The following PLGRKT variants were observed in gnomAD, a reference collection of about 807,000 sequenced individuals.
PLGRKT encodes plasminogen receptor (KT).
PLGRKT carries 22 observed loss-of-function variants against 18.5 expected under a neutral mutation model. The observed-to-expected ratio is 1.19, with a 90% CI of 0.85 to 1.70. PLGRKT has a LOEUF of 1.70. Ranked by LOEUF, PLGRKT falls within the 40% of genes most tolerant of loss-of-function variation. The pLI, the probability that PLGRKT is intolerant of heterozygous loss-of-function variation, is 0.00. For missense variants in PLGRKT, 235 were observed against 174.4 expected (o/e 1.35, Z -1.96); for synonymous variants, 72 against 52.8 (o/e 1.36, Z -1.58).
intron 3 of PLGRKT, among the ~76,000 whole-genome samples, chr9:5,402,222 G>C (rs1818168376): frequency 6.6e-6 from 1 of 151,886 alleles, no homozygotes; most frequent in Non-Finnish European, 1.5e-5. Context: ...ACAGAAGGTA[G>C]AGATAGTATT....
In PLGRKT at chr9:5,358,242, T is replaced by C; in HGVS notation, c.441A>G (p.Lys147=). 6.2e-7 allele frequency: 1 copy of C among 1,608,196 alleles called. No homozygotes were observed. The highest frequency in any genetic ancestry group is 1.1e-5 in the South Asian group (1 of 90,616). ...GATTTGATTGGTAAGCATGATTTCA[T>C]TTGTCTATGAAGAATCTACTCTGTT... The part of the protein sequence containing the change: ...RKEQSRFFID[K] The change falls in exon 6 of 6, where the codon AAA becomes AAG. Residue 147 remains lysine, a synonymous_variant. Transcript: ENST00000223864.
At chr9:5,394,805 T>C (rs1210786191) in intron 3 of PLGRKT, among the ~76,000 whole-genome samples, 2 of 151,922 alleles carry the variant, frequency 1.3e-5, no homozygotes, top group African/African-American at 2.4e-5. Flanking sequence ...GTATCAGTGA[T>C]TTAAACATGT....
chr9:5,424,602 AAT>A (rs1818650628), intron 3 of PLGRKT, among the ~76,000 whole-genome samples: 1 of 133,488 alleles, frequency 7.5e-6, no homozygotes, highest in African/African-American at 2.9e-5. Context: ...ACAGTAATAT[AAT>A]ATATTATTTA....
chr9:5,432,261 C>A (rs767542355), intron 2 of PLGRKT, among the ~76,000 whole-genome samples: 6 of 152,070 alleles, frequency 3.9e-5, no homozygotes, highest in Non-Finnish European at 8.8e-5. Context: ...TGGCTGTTTC[C>A]TGATTTTTCT....
chr9:5,415,395 A>G (rs1818441124), intron 3 of PLGRKT, among the ~76,000 whole-genome samples: 1 of 152,228 alleles, frequency 6.6e-6, no homozygotes, highest in Non-Finnish European at 1.5e-5. Context: ...AATGAAGTAA[A>G]TAAAAAAATC....
rs1244604918 is a variant in PLGRKT, at chr9:5,418,769, C to T, written c.81+13128G>A. The T allele has an allele frequency of 2.9e-5, 21 of 736,308 alleles. No individual in the cohort carries two copies. Among genetic ancestry groups the T allele is most frequent in the South Asian group, 2.1e-4 (13 of 62,706 alleles). 45.6% of individuals were successfully genotyped at this position (736,308 alleles called of 1,614,324 possible). On this transcript the variant is annotated intron_variant, in intron 3 of 5. Transcript: ENST00000223864. The surrounding 1 kb of genome is among the most constrained non-coding windows in gnomAD (Gnocchi z 4.2). ...ATGACAGCCAGGACCTCGGGGTCGT[C>T]GAGGAGCTGCGACACGGAGAAGTCA... is the stretch of plus-strand genomic sequence containing the variant.
chr9:5,380,115 C>T (rs7040311), intron 3 of PLGRKT, among the ~76,000 whole-genome samples: 1 of 152,012 alleles, frequency 6.6e-6, no homozygotes, highest in Non-Finnish European at 1.5e-5. Context: ...CTGTAATCCC[C>T]GCACTTTGGG....
chr9:5,370,130 T>C (rs909260422), intron 3 of PLGRKT, among the ~76,000 whole-genome samples: 1 of 152,036 alleles, frequency 6.6e-6, no homozygotes, highest in Non-Finnish European at 1.5e-5. Flanking sequence ...AAAAGGAAGC[T>C]AGCATATCAT....
intron 3 of PLGRKT, among the ~76,000 whole-genome samples, chr9:5,429,890 C>T (rs1350122972): frequency 6.6e-6 from 1 of 152,214 alleles, no homozygotes; most frequent in Non-Finnish European, 1.5e-5. Flanking sequence ...ACTCCCAGGT[C>T]TGACATCTCC....
chr9:5,380,783 T>C (rs902246969), intron 3 of PLGRKT, among the ~76,000 whole-genome samples: 3 of 152,222 alleles, frequency 2.0e-5, no homozygotes, highest in African/African-American at 7.2e-5. Flanking sequence ...ACAAAATAAA[T>C]ATTTTGGATT....
At chr9:5,384,051 G>A (rs1001342351) in intron 3 of PLGRKT, among the ~76,000 whole-genome samples, 7 of 152,232 alleles carry the variant, frequency 4.6e-5, no homozygotes, top group African/African-American at 1.7e-4. Flanking sequence ...ATTTGTGGCA[G>A]CCCTGGCTCC....
intron 3 of PLGRKT, among the ~76,000 whole-genome samples, chr9:5,388,920 T>A (rs1215918614): frequency 6.6e-6 from 1 of 152,062 alleles, no homozygotes; most frequent in Non-Finnish European, 1.5e-5. Flanking sequence ...GTATTTATGA[T>A]ATTGTCATGA....
chr9:5,420,877 TG>T (rs1381812030), intron 3 of PLGRKT, among the ~76,000 whole-genome samples: 1 of 152,174 alleles, frequency 6.6e-6, no homozygotes, highest in African/African-American at 2.4e-5. Flanking sequence ...AAAAAACAGA[TG>T]GGGGGCACAA....
Position 5,361,876 on chromosome 9 carries a change from G to A in PLGRKT, c.94C>T (p.Leu32Phe). The change falls in exon 4 of 6, where the codon CTC becomes TTC. Residue 32 changes from leucine (L) to phenylalanine (F), a missense_variant. Physicochemically the swap from Leu to Phe is conservative, Grantham distance 22. Coordinates refer to ENST00000223864, the MANE Select transcript of PLGRKT (RefSeq NM_018465.4). ...TCCCTCATTTCACTCTGCATGATGA[G>A]CTGCCTTTCCAGCTAAGGACAAAAC... ...MNARLQLERQ[L>F]IMQSEMRERQ... 1 of 1,612,576 alleles carries A rather than the reference G, an allele frequency of 6.2e-7. No homozygotes were observed. The highest frequency in any genetic ancestry group is 8.5e-7 in the Non-Finnish European group (1 of 1,179,408).
intron 3 of PLGRKT, among the ~76,000 whole-genome samples, chr9:5,401,382 T>G (rs1818151277): frequency 6.6e-6 from 1 of 151,994 alleles, no homozygotes; most frequent in Admixed American, 6.5e-5. Context: ...CTATTTTGTT[T>G]TGCATGGCAT....
intron 3 of PLGRKT, among the ~76,000 whole-genome samples, chr9:5,395,920 G>C (rs1205290382): frequency 2.2e-5 from 3 of 135,918 alleles, no homozygotes; most frequent in African/African-American, 5.6e-5. Flanking sequence ...CTGAGACAGA[G>C]TCTCACTCTG....
chr9:5,433,281 A>T (rs879997016), intron 2 of PLGRKT, among the ~76,000 whole-genome samples: 5 of 111,154 alleles, frequency 4.5e-5, no homozygotes, highest in Admixed American at 9.2e-5. Flanking sequence ...TCTAGGAAGT[A>T]AGGAGTGTCT....
chr9:5,410,840 T>C (rs1411597616), intron 3 of PLGRKT, among the ~76,000 whole-genome samples: 1 of 152,058 alleles, frequency 6.6e-6, no homozygotes, highest in East Asian at 1.9e-4. Context: ...ACAATAAAAT[T>C]TTGTCTCCAT....
intron 3 of PLGRKT, among the ~76,000 whole-genome samples, chr9:5,384,381 TCA>T (rs760842480): frequency 2.0e-5 from 3 of 152,272 alleles, no homozygotes; most frequent in South Asian, 2.1e-4. Flanking sequence ...TAAAAATAAT[TCA>T]CAGTTTTTTT....
Sources: allele counts gnomAD v4.1 joint callset (sites outside exome capture counted in the v4.1 genomes callset), GRCh38; gene constraint gnomAD v4.1.1; non-coding constraint Gnocchi (gnomAD v3.1); transcripts MANE v1.5; gene names NCBI Gene and HGNC (gene_info 2026-07-23, HGNC 2026-07-21).